Variants in NFILZ observed in about 807,000 individuals in gnomAD.
NFILZ encodes NFIL3 like protein.
chr19:8,632,804 C>T (rs190211052), intron 2 of NFILZ, among the ~76,000 whole-genome samples, 179 bp downstream of exon 2: 13 of 151,438 alleles, frequency 8.6e-5, no homozygotes, highest in Non-Finnish European at 1.5e-4. Context: ...CTCACTGCAA[C>T]CTCCGCCTCC....
intron 3 of NFILZ, among the ~76,000 whole-genome samples, chr19:8,639,904 A>G (rs1026671317): frequency 6.6e-6 from 1 of 152,146 alleles, no homozygotes; most frequent in Non-Finnish European, 1.5e-5. Flanking sequence ...AACACTATTT[A>G]AAAAACCCTG....
At chr19:8,655,440 T>C (rs8112961) in intron 3 of NFILZ, among the ~76,000 whole-genome samples, 1 of 152,114 alleles carries the variant, frequency 6.6e-6, no homozygotes, top group Non-Finnish European at 1.5e-5. Flanking sequence ...GTCTGGGCCA[T>C]CCCACAGCAC....
At chr19:8,662,169 C>T (rs547939676) in intron 3 of NFILZ, among the ~76,000 whole-genome samples, 3 of 146,482 alleles carry the variant, frequency 2.0e-5, no homozygotes, top group African/African-American at 7.6e-5. Context: ...TGCACCACAA[C>T]ACTCAGGCCT....
At position 8,635,704 on chromosome 19, in the gene NFILZ, T is replaced by A. The variant is rs1194459910; in HGVS notation, c.-206T>A. 6.6e-6 allele frequency: 1 copy of A among 152,214 alleles called. No individual in the cohort carries two copies. The highest frequency in any genetic ancestry group is 1.5e-5 in the Non-Finnish European group (1 of 68,038). The allele number at this position is 152,214 out of a possible 1,614,324, so 9.4% of individuals were successfully genotyped here. A position where few individuals can be genotyped will look rare whatever the true frequency, so the allele number is the denominator to read the frequency against. On this transcript the variant is annotated 5_prime_UTR_variant, in exon 3 of 6. Transcript: ENST00000691075. ...GAATGCCCAAATTCATAGGCGATGA[T>A]AAATAATGTGCCAGACGTTGATGTG...
intron 3 of NFILZ, among the ~76,000 whole-genome samples, chr19:8,647,786 C>CGT (rs2042946662): frequency 1.9e-5 from 2 of 102,602 alleles, no homozygotes; most frequent in Admixed American, 1.0e-4. Context: ...CATGCGCGCG[C>CGT]GCGCGCGCGC....
rs140370895 is a variant in NFILZ, at chr19:8,664,556, G to C, written c.-163-9995G>C. Among the ~76,000 whole-genome samples the C allele has an allele frequency of 7.7e-4, 117 of 152,288 alleles. No homozygotes were observed. The East Asian group carries it at 0.02, about 26-fold the overall frequency. On this transcript the variant is annotated intron_variant, in intron 3 of 5. Transcript: ENST00000691075. ...TTGAAGACTGAGTTCCCACAGAAGC[G>C]TCTCGGTTTTAGAGATCGGTTTCGC... is the stretch of plus-strand genomic sequence containing the variant.
At chr19:8,652,907 C>CCTTCTCTCTCTCT (rs1297907257) in intron 3 of NFILZ, among the ~76,000 whole-genome samples, 161 of 147,046 alleles carry the variant, frequency 1.1e-3, no homozygotes, top group African/African-American at 3.9e-3. Flanking sequence ...TTCCCTCCCT[C>CCTTCTCTCTCTCT]CTTCTCTCTC....
At chr19:8,633,577 C>A (rs1368796268) in intron 2 of NFILZ, among the ~76,000 whole-genome samples, 2 of 152,202 alleles carry the variant, frequency 1.3e-5, no homozygotes, top group East Asian at 1.9e-4. Flanking sequence ...CTTTCCCTCT[C>A]TCTACCTTCC....
intron 3 of NFILZ, among the ~76,000 whole-genome samples, chr19:8,650,655 A>C (rs2042961100): frequency 1.7e-5 from 1 of 60,538 alleles, no homozygotes; most frequent in African/African-American, 5.6e-5. Context: ...TTCTGTCTCA[A>C]AAAAAAAAAA....
In NFILZ at chr19:8,652,981, TTCCTTCCTTCCTTCCTTC is replaced by T. The variant is rs2042972482; in HGVS notation, c.-164+17236_-164+17253del. Reference sequence around the variant, plus strand: ...TTCCCTTCCTTCCCTCCTTCCTTCCTTCCTTCCTTCCTTCCTTCCTTCCTTCCTTCCTTTCTTTCTTTC... The same window carrying T: ...TTCCCTTCCTTCCCTCCTTCCTTCCTCTTCCTTCCTTCCTTTCTTTCTTTC... On this transcript the variant is annotated intron_variant, in intron 3 of 5. Transcript: ENST00000691075. Among the ~76,000 whole-genome samples, 105 of 88,046 alleles carry T rather than the reference TTCCTTCCTTCCTTCCTTC, an allele frequency of 1.2e-3. 3 individuals carry two copies. The highest frequency in any genetic ancestry group is 7.1e-3 in the East Asian group (16 of 2,266). The allele number at this position is 88,046 out of a possible 152,430, so 57.8% of individuals were successfully genotyped here.
chr19:8,642,346 A>G (rs1188313730), intron 3 of NFILZ, among the ~76,000 whole-genome samples: 1 of 152,156 alleles, frequency 6.6e-6, no homozygotes, highest in African/African-American at 2.4e-5. Context: ...TTGTTGGGGA[A>G]TTAGTGGCTA....
intron 3 of NFILZ, among the ~76,000 whole-genome samples, chr19:8,653,000 C>CT (rs2042973508): frequency 0.023 from 998 of 43,722 alleles, 29 homozygotes; most frequent in Non-Finnish European, 0.029. Flanking sequence ...TCCTTCCTTC[C>CT]TTCCTTCCTT....
At chr19:8,649,644 G>A (rs1600143984) in intron 3 of NFILZ, among the ~76,000 whole-genome samples, 1 of 152,128 alleles carries the variant, frequency 6.6e-6, no homozygotes, top group Non-Finnish European at 1.5e-5. Flanking sequence ...CTGTTTTACT[G>A]AACTTTGGTT....
At chr19:8,632,788 T>C (rs1433975304) in intron 2 of NFILZ, among the ~76,000 whole-genome samples, 163 bp downstream of exon 2, 2 of 151,330 alleles carry the variant, frequency 1.3e-5, no homozygotes, top group Non-Finnish European at 2.9e-5. Context: ...AGTGGCACGA[T>C]CTTGGCTCAC....
chr19:8,634,717 A>G (rs2042886607), intron 2 of NFILZ, among the ~76,000 whole-genome samples: 1 of 151,938 alleles, frequency 6.6e-6, no homozygotes, highest in South Asian at 2.1e-4. Context: ...CTCTACAAAA[A>G]ACAAAACAGA....
At chr19:8,658,018 G>T (rs552821333) in intron 3 of NFILZ, among the ~76,000 whole-genome samples, 3 of 152,182 alleles carry the variant, frequency 2.0e-5, no homozygotes, top group Admixed American at 2.0e-4. Flanking sequence ...GGAACAGAGA[G>T]GGTTACAGGC....
At chr19:8,671,058 G>T (rs1420338259) in intron 3 of NFILZ, among the ~76,000 whole-genome samples, 1 of 151,994 alleles carries the variant, frequency 6.6e-6, no homozygotes, top group Non-Finnish European at 1.5e-5. Context: ...AGGCCACATG[G>T]TGTGGCAGAA....
chr19:8,680,065 G>A lies in NFILZ; in HGVS notation c.*2430G>A, dbSNP rs1329223803. On this transcript the variant is annotated 3_prime_UTR_variant, in exon 6 of 6. Transcript: ENST00000691075. ...ACAAAAATTAGCCGGGCATGGTAGC[G>A]AGCGCCTGTAATCTCAGCTACTTGG... is the stretch of plus-strand genomic sequence containing the variant. Among the ~76,000 whole-genome samples the A allele has an allele frequency of 6.6e-5, 10 of 151,706 alleles. No homozygotes were observed. Among genetic ancestry groups the A allele is most frequent in the Non-Finnish European group, 4.4e-5 (3 of 67,946 alleles).
chr19:8,665,513 A>AT (rs1410439006), intron 3 of NFILZ, among the ~76,000 whole-genome samples: 3 of 152,102 alleles, frequency 2.0e-5, no homozygotes, highest in Admixed American at 6.5e-5. Flanking sequence ...TTTCTTAAAC[A>AT]TTTTTTTAAG....
Sources: gnomAD v4.1 joint callset for allele counts (sites outside exome capture counted in the v4.1 genomes callset) on GRCh38, gnomAD v4.1.1 for gene constraint, MANE v1.5 for transcripts, NCBI Gene and HGNC (gene_info 2026-07-23, HGNC 2026-07-21) for gene names.